CNIH3: variants seen among roughly 807,000 people sequenced by gnomAD.
The protein encoded by CNIH3 is protein cornichon homolog 3.
In CNIH3, 14 loss-of-function variants were observed where a neutral mutation model predicts 24.1. The observed-to-expected ratio is 0.58, with a 90% CI of 0.38 to 0.91. The LOEUF (loss-of-function observed/expected upper bound fraction) is 0.91. Among genes scored for constraint, CNIH3 ranks in the 40% least tolerant of loss-of-function variants. CNIH3 has a pLI of 0.00. For missense variants in CNIH3, 178 were observed against 196.8 expected (o/e 0.90, Z 0.57); for synonymous variants, 68 against 73.8 (o/e 0.92, Z 0.40).
At position 224,488,974 on chromosome 1, in the gene CNIH3, G is replaced by A. The variant is rs985595238; in HGVS notation, n.204-26767G>A. On this transcript the variant is annotated intron_variant and non_coding_transcript_variant, in intron 1 of 5. Transcript: ENST00000471578. ...ACCCTGTCTACTAATTCCAATGTAT[G>A]AATCATTTCAGGGTTGATCTTCATT... Among the ~76,000 whole-genome samples the A allele has an allele frequency of 2.1e-4, 32 of 152,130 alleles. 1 individual carries two copies. Among genetic ancestry groups the A allele is most frequent in the African/African-American group, 7.5e-4 (31 of 41,418 alleles).
At chr1:224,608,903 C>T (rs1316647620) in intron 3 of CNIH3, among the ~76,000 whole-genome samples, 1 of 152,214 alleles carries the variant, frequency 6.6e-6, no homozygotes, top group Non-Finnish European at 1.5e-5. Flanking sequence ...CCTTTAAACT[C>T]TGCCATTTTG....
downstream of CNIH3, among the ~76,000 whole-genome samples, chr1:224,541,226 C>T (rs942709695): frequency 2.6e-5 from 4 of 152,132 alleles, no homozygotes; most frequent in African/African-American, 7.2e-5. Context: ...AGATGAGTAC[C>T]GTGGTGGAGA....
chr1:224,583,955 C>T (rs752419455), intron 5 of CNIH3, among the ~76,000 whole-genome samples: 1 of 152,172 alleles, frequency 6.6e-6, no homozygotes, highest in Non-Finnish European at 1.5e-5. Flanking sequence ...ATGTTCTGGA[C>T]CATACCCCAC....
chr1:224,448,227 A>G (rs1675244454), intron 1 of CNIH3, among the ~76,000 whole-genome samples: 1 of 148,984 alleles, frequency 6.7e-6, no homozygotes, highest in South Asian at 2.1e-4. Context: ...ACAGAGCAAG[A>G]TCCTGTCTCC....
intron 1 of CNIH3, among the ~76,000 whole-genome samples, chr1:224,628,037 T>C (rs145187344): frequency 3.3e-5 from 5 of 151,636 alleles, no homozygotes; most frequent in East Asian, 2.1e-4. Flanking sequence ...TAGGCACTAA[T>C]TGAGTTTGAA....
intron 1 of CNIH3, among the ~76,000 whole-genome samples, chr1:224,519,476 G>C (rs1222023532): frequency 6.6e-6 from 1 of 151,982 alleles, no homozygotes; most frequent in African/African-American, 2.4e-5. Flanking sequence ...CTATGATTGC[G>C]GGAGTTCTCA....
intron 1 of CNIH3, among the ~76,000 whole-genome samples, chr1:224,620,000 T>G (rs1202692752): frequency 6.6e-6 from 1 of 152,220 alleles, no homozygotes; most frequent in African/African-American, 2.4e-5. Context: ...TTTCCTCCCC[T>G]TTTTTCCCAC....
At chr1:224,552,007 C>CTG (rs1679942868) in intron 3 of CNIH3, among the ~76,000 whole-genome samples, 1 of 151,546 alleles carries the variant, frequency 6.6e-6, no homozygotes, top group South Asian at 2.1e-4. Context: ...TGTACTCCCT[C>CTG]TGTGTACGCC....
chr1:224,648,260 A>C (rs1256476080), intron 1 of CNIH3, among the ~76,000 whole-genome samples: 1 of 151,860 alleles, frequency 6.6e-6, no homozygotes, highest in Non-Finnish European at 1.5e-5. Context: ...AAAATACAAA[A>C]ATTAGCTGGG....
At chr1:224,559,092 T>C (rs1202337060) in intron 3 of CNIH3, among the ~76,000 whole-genome samples, 2 of 152,202 alleles carry the variant, frequency 1.3e-5, no homozygotes, top group African/African-American at 2.4e-5. Flanking sequence ...TTTGCCAACA[T>C]GAGTCACAGT....
intron 1 of CNIH3, among the ~76,000 whole-genome samples, chr1:224,654,272 A>G (rs1470465382): frequency 6.6e-6 from 1 of 152,076 alleles, no homozygotes; most frequent in Non-Finnish European, 1.5e-5. Flanking sequence ...AATCCCAGCT[A>G]CTTGGGAGGC....
rs71170028 is a variant in CNIH3, at chr1:224,674,272, G to GT, written c.82-6651dup. Among the ~76,000 whole-genome samples, 209 of 72,040 alleles carry GT rather than the reference G, an allele frequency of 2.9e-3. 22 individuals are homozygous for GT. The highest frequency in any genetic ancestry group is 0.01 in the African/African-American group (187 of 18,622). The allele number at this position is 72,040 out of a possible 152,430, so 47.3% of individuals were successfully genotyped here. A position where few individuals can be genotyped will look rare whatever the true frequency, so the allele number is the denominator to read the frequency against. Reference sequence around the variant, plus strand: ...AATCGTTTCTTCATCTTCCAGGAAGGTTTTTTTTTTTTTTTTTTTTTTTTT... The same window carrying GT: ...AATCGTTTCTTCATCTTCCAGGAAGGTTTTTTTTTTTTTTTTTTTTTTTTTT... On this transcript the variant is annotated intron_variant, in intron 1 of 5. Transcript: ENST00000272133.
intron 2 of CNIH3, among the ~76,000 whole-genome samples, chr1:224,531,092 T>G (rs746391877): frequency 1.3e-5 from 2 of 152,224 alleles, no homozygotes; most frequent in Non-Finnish European, 2.9e-5. Flanking sequence ...ATCATGTTGA[T>G]TTGGAGACAT....
chr1:224,458,880 G>C lies in CNIH3; in HGVS notation n.203+24018G>C, dbSNP rs1675789680. ...AGGCCCTGCTTGCACTTCTAATACA[G>C]TCCCGGAAAGACGGGGCCAGAACTT... On this transcript the variant is annotated intron_variant and non_coding_transcript_variant, in intron 1 of 5. Coordinates refer to the CNIH3 transcript ENST00000471578. The surrounding 1 kb of genome is among the most constrained non-coding windows in gnomAD (Gnocchi z 4.3). Among the ~76,000 whole-genome samples the C allele has an allele frequency of 6.6e-6, 1 of 152,174 alleles. No individual in the cohort carries two copies. Among genetic ancestry groups the C allele is most frequent in the Admixed American group, 6.5e-5 (1 of 15,280 alleles).
intron 1 of CNIH3, among the ~76,000 whole-genome samples, chr1:224,672,014 T>C (rs1685888685): frequency 6.6e-6 from 1 of 152,148 alleles, no homozygotes; most frequent in African/African-American, 2.4e-5. Context: ...ATGTATGTTA[T>C]AACCAATAAA....
chr1:224,497,090 G>T (rs1238700910), intron 1 of CNIH3, among the ~76,000 whole-genome samples: 1 of 152,174 alleles, frequency 6.6e-6, no homozygotes, highest in African/African-American at 2.4e-5. Flanking sequence ...GATGACTCTT[G>T]AAAACATGCA....
chr1:224,481,436 T>G (rs1676808174), intron 1 of CNIH3, among the ~76,000 whole-genome samples: 1 of 152,114 alleles, frequency 6.6e-6, no homozygotes, highest in Admixed American at 6.5e-5. Context: ...GTGATCTAAG[T>G]TTTTGGTCAG....
chr1:224,488,479 G>T (rs1677115950), intron 1 of CNIH3, among the ~76,000 whole-genome samples: 2 of 106,630 alleles, frequency 1.9e-5, no homozygotes, highest in Admixed American at 1.1e-4. Context: ...GGGGTGGGGG[G>T]GAACAGAGTC....
chr1:224,563,875 G>C (rs894996078), intron 3 of CNIH3, among the ~76,000 whole-genome samples: 1 of 152,194 alleles, frequency 6.6e-6, no homozygotes, highest in Non-Finnish European at 1.5e-5. Flanking sequence ...ATTGAGAATA[G>C]CCTCCTGTTT....
Sources: allele counts gnomAD v4.1 joint callset (sites outside exome capture counted in the v4.1 genomes callset), GRCh38; gene constraint gnomAD v4.1.1; non-coding constraint Gnocchi (gnomAD v3.1); transcripts MANE v1.5; gene names NCBI Gene and HGNC (gene_info 2026-07-23, HGNC 2026-07-21).